The following RASGRP1 variants were observed in gnomAD, a reference collection of about 807,000 sequenced individuals.
RASGRP1 encodes the protein RAS guanyl-releasing protein 1.
In RASGRP1, 37 loss-of-function variants were observed where a neutral mutation model predicts 95.1. That is an observed-to-expected ratio of 0.39 (90% confidence interval 0.30 to 0.51). RASGRP1 has a LOEUF of 0.51. RASGRP1 is among the 20% of genes least tolerant of loss of function. The pLI, the probability that RASGRP1 is intolerant of heterozygous loss-of-function variation, is 0.80. For synonymous variants in RASGRP1, 325 were observed against 353.4 expected, an observed-to-expected ratio of 0.92 and a Z score of 0.90; for missense variants, 711 against 965.4, an observed-to-expected ratio of 0.74 and a Z score of 3.49.
In RASGRP1 at chr15:38,501,179, G is replaced by A; in HGVS notation, c.1647C>T (p.Tyr549=). ...GFPHNFQETT[Y]LKPTFCDNCA... ...AGTTGTCACAAAAAGTGGGCTTCAGGTAGGTGGTCTCTTGGAAGTTGTGAG... is the reference window on the plus strand; with the variant it reads ...AGTTGTCACAAAAAGTGGGCTTCAGATAGGTGGTCTCTTGGAAGTTGTGAG... Residue 549 remains tyrosine, a synonymous_variant, in exon 13 of 17, where the codon TAC becomes TAT. Transcript: ENST00000310803. The A allele has an allele frequency of 6.2e-7, 1 of 1,612,218 alleles. No homozygotes were observed. The highest frequency in any genetic ancestry group is 8.5e-7 in the Non-Finnish European group (1 of 1,179,008).
intron 2 of RASGRP1, among the ~76,000 whole-genome samples, chr15:38,532,092 G>A (rs1424633526): frequency 6.6e-6 from 1 of 152,112 alleles, no homozygotes; most frequent in Non-Finnish European, 1.5e-5. Context: ...TACCTTCCAG[G>A]CTGCTAGATT....
At chr15:38,499,188 G>A (rs1358933124) in intron 14 of RASGRP1, 1 of 650,508 alleles carries the variant, frequency 1.5e-6, no homozygotes. Context: ...CTGATATCTT[G>A]GAGGGAAGAG....
At chr15:38,511,147 C>T (rs1208069549) in intron 8 of RASGRP1, among the ~76,000 whole-genome samples, 3 of 152,134 alleles carry the variant, frequency 2.0e-5, no homozygotes, top group African/African-American at 4.8e-5. Flanking sequence ...TTCAACTATC[C>T]GGAATGTCAT....
intron 2 of RASGRP1, among the ~76,000 whole-genome samples, chr15:38,528,984 C>G (rs1403271139): frequency 6.6e-6 from 1 of 152,212 alleles, no homozygotes; most frequent in African/African-American, 2.4e-5. Context: ...CAACCATCCT[C>G]TCAGTTACCC....
rs566171111 is a variant in RASGRP1, at chr15:38,543,304, C to T, written c.220+16517G>A. Among the ~76,000 whole-genome samples, 12 of 152,180 alleles carry T rather than the reference C, an allele frequency of 7.9e-5. No individual in the cohort carries two copies. The South Asian group carries it at 2.3e-3, about 29-fold the overall frequency. On this transcript the variant is annotated intron_variant, in intron 2 of 16. Coordinates refer to ENST00000310803, the MANE Select transcript of RASGRP1 (RefSeq NM_005739.4). ...TTTGTTGAGAGGATACTCCTTTCTT[C>T]GTTAACCTGCCCTGGTGCCTTTGCT...
chr15:38,526,244 C>G, intron 3 of RASGRP1, 55 bp downstream of exon 3: 3 of 1,378,310 alleles, frequency 2.2e-6, no homozygotes, highest in Non-Finnish European at 2.1e-6. Context: ...AAATTTCAAG[C>G]TACTTTTTGG....
chr15:38,550,926 G>GT (rs556065324), intron 2 of RASGRP1, among the ~76,000 whole-genome samples: 106 of 152,252 alleles, frequency 7.0e-4, no homozygotes, highest in African/African-American at 2.2e-3. Flanking sequence ...CATTTATAAA[G>GT]TAAGTATAAA....
chr15:38,561,035 G>C (rs1451730305), intron 1 of RASGRP1, among the ~76,000 whole-genome samples: 1 of 152,122 alleles, frequency 6.6e-6, no homozygotes, highest in Non-Finnish European at 1.5e-5. Flanking sequence ...AGTGTTGCTG[G>C]TAACTCTCTT....
intron 16 of RASGRP1, 186 bp downstream of exon 16, chr15:38,494,196 C>T: frequency 1.3e-6 from 1 of 775,190 alleles, no homozygotes. Context: ...TGGAATCAAT[C>T]ATCCTTTCTT....
At chr15:38,533,385 A>G (rs1347396936) in intron 2 of RASGRP1, among the ~76,000 whole-genome samples, 1 of 152,176 alleles carries the variant, frequency 6.6e-6, no homozygotes. Flanking sequence ...ATTCTAAATA[A>G]ATAACTATGT....
chr15:38,559,736 TA>T lies in RASGRP1; in HGVS notation c.220+84del. 11 of 1,363,392 alleles carry T rather than the reference TA, an allele frequency of 8.1e-6. No homozygotes were observed. In the South Asian group the frequency reaches 1.5e-4, roughly 19 times the overall value. The allele number at this position is 1,363,392 out of a possible 1,614,324, so 84.5% of individuals were successfully genotyped here. A position where few individuals can be genotyped will look rare whatever the true frequency, so the allele number is the denominator to read the frequency against. On this transcript the variant is annotated intron_variant, in intron 2 of 16. Coordinates refer to ENST00000310803, the MANE Select transcript of RASGRP1 (RefSeq NM_005739.4). ...CTATTTTTAAAGCCAAAATACAATC[TA>T]GATTGCTGTTCCGTAAAGCACTTTT...
chr15:38,512,667 C>T, intron 7 of RASGRP1, 116 bp downstream of exon 7: 1 of 1,283,084 alleles, frequency 7.8e-7, no homozygotes, highest in Non-Finnish European at 1.1e-6. Flanking sequence ...CTCTCCACCC[C>T]CTCGCCATGG....
chr15:38,526,468 C>T, intron 2 of RASGRP1, 64 bp from the exon 3 acceptor site: 1 of 1,230,958 alleles, frequency 8.1e-7, no homozygotes, highest in Admixed American at 1.8e-5. Flanking sequence ...CTGGTAGACA[C>T]CTGCAAACCC....
At chr15:38,546,714 G>A (rs1232225886) in intron 2 of RASGRP1, among the ~76,000 whole-genome samples, 1 of 152,122 alleles carries the variant, frequency 6.6e-6, no homozygotes, top group African/African-American at 2.4e-5. Context: ...CCCTTAACAT[G>A]GAAAGGCTAT....
chr15:38,497,893 G>A (rs528607039), intron 15 of RASGRP1, among the ~76,000 whole-genome samples: 1 of 152,288 alleles, frequency 6.6e-6, no homozygotes, highest in South Asian at 2.1e-4. Flanking sequence ...ATTTTAATCT[G>A]CAAGCTCCAC....
At chr15:38,532,138 A>T (rs192913316) in intron 2 of RASGRP1, among the ~76,000 whole-genome samples, 1 of 152,198 alleles carries the variant, frequency 6.6e-6, no homozygotes, top group Non-Finnish European at 1.5e-5. Context: ...CTGCAAGCTG[A>T]TTTAAATATT....
chr15:38,556,947 T>C (rs1404463126), intron 2 of RASGRP1, among the ~76,000 whole-genome samples: 2 of 152,174 alleles, frequency 1.3e-5, no homozygotes, highest in Non-Finnish European at 2.9e-5. Context: ...ATAATAATAA[T>C]GATAATAATT....
intron 2 of RASGRP1, among the ~76,000 whole-genome samples, chr15:38,538,463 A>T (rs1892744752): frequency 6.6e-6 from 1 of 152,316 alleles, no homozygotes; most frequent in Admixed American, 6.5e-5. Context: ...GAAGAAATGA[A>T]CTACATTCAA....
At chr15:38,548,707 T>C (rs1015694770) in intron 2 of RASGRP1, among the ~76,000 whole-genome samples, 6 of 152,224 alleles carry the variant, frequency 3.9e-5, no homozygotes, top group African/African-American at 1.4e-4. Flanking sequence ...CTCCTATGAG[T>C]GTGTATGTGT....
Sources: allele counts gnomAD v4.1 joint callset (sites outside exome capture counted in the v4.1 genomes callset), GRCh38; gene constraint gnomAD v4.1.1; transcripts MANE v1.5; gene names NCBI Gene and HGNC (gene_info 2026-07-23, HGNC 2026-07-21).